Variants in AIG1 observed in about 807,000 individuals in gnomAD.
AIG1 encodes androgen-induced gene 1 protein.
Under a neutral mutation model 31.4 loss-of-function variants are expected in AIG1, and 23 were observed. The ratio of observed to expected loss-of-function variants is 0.73; its 90% CI spans 0.53 to 1.04. AIG1 has a LOEUF of 1.04. AIG1 is among the 50% of genes least tolerant of loss of function. The pLI, the probability that AIG1 is intolerant of heterozygous loss-of-function variation, is 0.00. For synonymous variants in AIG1, 100 were observed against 110.5 expected, an observed-to-expected ratio of 0.90 and a Z score of 0.60; for missense variants, 274 against 295.0, an observed-to-expected ratio of 0.93 and a Z score of 0.52.
intron 3 of AIG1, among the ~76,000 whole-genome samples, chr6:143,166,726 A>G (rs1786990541): frequency 6.6e-6 from 1 of 152,164 alleles, no homozygotes; most frequent in Non-Finnish European, 1.5e-5. Flanking sequence ...CATAGCTACT[A>G]TTATTTTTTT....
chr6:143,249,301 G>A (rs1794839878), intron 3 of AIG1, among the ~76,000 whole-genome samples: 1 of 152,208 alleles, frequency 6.6e-6, no homozygotes, highest in South Asian at 2.1e-4. Context: ...GGAATGATCA[G>A]TTATTAAGTA....
chr6:143,133,159 C>G (rs1337831080), intron 1 of AIG1, among the ~76,000 whole-genome samples: 1 of 152,024 alleles, frequency 6.6e-6, no homozygotes, highest in Non-Finnish European at 1.5e-5. Context: ...TGTTGTCTTC[C>G]TTTAAATAAA....
intron 2 of AIG1, among the ~76,000 whole-genome samples, chr6:143,140,689 T>G (rs1784176062): frequency 6.6e-6 from 1 of 152,218 alleles, no homozygotes; most frequent in African/African-American, 2.4e-5. Context: ...AGAGCATTAA[T>G]GGCCAGGAAC....
chr6:143,081,953 C>CCCTTT (rs527622424), intron 1 of AIG1, among the ~76,000 whole-genome samples: 17 of 152,054 alleles, frequency 1.1e-4, no homozygotes, highest in African/African-American at 2.2e-4. Context: ...CCCTATATTT[C>CCCTTT]CCTTTCCTTT....
At chr6:143,235,493 A>G (rs1456208088) in intron 3 of AIG1, among the ~76,000 whole-genome samples, 1 of 152,202 alleles carries the variant, frequency 6.6e-6, no homozygotes, top group Non-Finnish European at 1.5e-5. Flanking sequence ...AAACCTGTGC[A>G]TGAGAAGGGG....
intron 2 of AIG1, among the ~76,000 whole-genome samples, chr6:143,145,735 A>G (rs1429773827): frequency 6.6e-6 from 1 of 152,236 alleles, no homozygotes; most frequent in East Asian, 1.9e-4. Flanking sequence ...GAGTTTTAAA[A>G]AATGTAATAA....
chr6:143,278,726 C>T (rs1301607470), intron 3 of AIG1, among the ~76,000 whole-genome samples: 2 of 152,104 alleles, frequency 1.3e-5, no homozygotes, highest in Non-Finnish European at 2.9e-5. Flanking sequence ...GCCTCAGCCT[C>T]CCAAAGTGCT....
At chr6:143,192,001 G>A (rs754307877) in intron 3 of AIG1, among the ~76,000 whole-genome samples, 2 of 152,182 alleles carry the variant, frequency 1.3e-5, no homozygotes. Flanking sequence ...GAATTATCAT[G>A]CATTTACAAT....
At chr6:143,184,023 G>A (rs928705094) in intron 3 of AIG1, among the ~76,000 whole-genome samples, 16 of 152,202 alleles carry the variant, frequency 1.1e-4, no homozygotes, top group African/African-American at 3.9e-4. Flanking sequence ...GTGGAAAGAG[G>A]CTGCATTTTC....
intron 4 of AIG1, among the ~76,000 whole-genome samples, chr6:143,296,212 G>T (rs1225706868): frequency 1.3e-5 from 2 of 152,070 alleles, no homozygotes; most frequent in Non-Finnish European, 2.9e-5. Flanking sequence ...CCACCTGCCT[G>T]ATTCATTTAA....
rs1037468029 is a variant in AIG1 at position 143,258,973 on chromosome 6, A to G, written c.400-25137A>G. On this transcript the variant is annotated intron_variant, in intron 3 of 5. Transcript: ENST00000357847. This position sits in a 1 kb window ranked among gnomAD's most constrained non-coding sequence, Gnocchi z 4.7. ...AGAGGTCAACAGAGACCTTGGCAAA[A>G]CCATTTCCAGCAGATGATGGGGGCA... 6.6e-6 allele frequency among the ~76,000 whole-genome samples: 1 copy of G among 152,176 alleles called. No individual in the cohort carries two copies. The highest frequency in any genetic ancestry group is 2.4e-5 in the African/African-American group (1 of 41,434).
chr6:143,293,510 C>G lies in AIG1; in HGVS notation c.515+9285C>G, dbSNP rs377614716. ...ATCTGGGCAGTTGAAAGCCTGACAA[C>G]AGAGAGTATGTCTTGCCCTTGGTGC... On this transcript the variant is annotated intron_variant, in intron 4 of 5. Coordinates refer to ENST00000357847, the MANE Select transcript of AIG1 (RefSeq NM_016108.4). The surrounding 1 kb of genome is among the most constrained non-coding windows in gnomAD (Gnocchi z 4.8). Among the ~76,000 whole-genome samples, 1 of 152,328 alleles carries G rather than the reference C, an allele frequency of 6.6e-6. No homozygotes were observed. The highest frequency in any genetic ancestry group is 2.1e-4 in the South Asian group (1 of 4,826).
upstream of AIG1, among the ~76,000 whole-genome samples, chr6:143,060,232 TGAGA>T (rs746555477): frequency 6.6e-6 from 1 of 152,212 alleles, no homozygotes; most frequent in Non-Finnish European, 1.5e-5. Context: ...AAAGCAGAAT[TGAGA>T]GAGTTTCCTA....
chr6:143,312,894 C>CA (rs1362799514), intron 4 of AIG1, among the ~76,000 whole-genome samples: 2 of 151,892 alleles, frequency 1.3e-5, no homozygotes, highest in African/African-American at 2.4e-5. Context: ...CAAAAATTGG[C>CA]AAAAAATCTG....
chr6:143,088,380 A>G (rs1238071237), intron 1 of AIG1, among the ~76,000 whole-genome samples: 1 of 152,200 alleles, frequency 6.6e-6, no homozygotes, highest in Non-Finnish European at 1.5e-5. Context: ...TATGACATAT[A>G]CTATGCCAGA....
At chr6:143,251,410 A>G (rs1325753927) in intron 3 of AIG1, among the ~76,000 whole-genome samples, 2 of 152,172 alleles carry the variant, frequency 1.3e-5, no homozygotes, top group African/African-American at 4.8e-5. Flanking sequence ...TAAGAAATCA[A>G]TTCACATACT....
intron 3 of AIG1, among the ~76,000 whole-genome samples, chr6:143,238,196 C>G (rs981044464): frequency 2.0e-5 from 3 of 152,190 alleles, no homozygotes; most frequent in Non-Finnish European, 2.9e-5. Flanking sequence ...CCACCTCGGG[C>G]TCCCAAAGTC....
At chr6:143,120,410 A>G (rs1782142257) in intron 1 of AIG1, among the ~76,000 whole-genome samples, 1 of 152,196 alleles carries the variant, frequency 6.6e-6, no homozygotes, top group African/African-American at 2.4e-5. Flanking sequence ...AAAGAAAAAG[A>G]GGTTTAATGG....
intron 4 of AIG1, among the ~76,000 whole-genome samples, chr6:143,289,781 T>A (rs1379348328): frequency 6.6e-6 from 1 of 152,078 alleles, no homozygotes; most frequent in African/African-American, 2.4e-5. Flanking sequence ...AAAATAAGAG[T>A]GTACTCAAAT....
Sources: gnomAD v4.1 joint callset for allele counts (sites outside exome capture counted in the v4.1 genomes callset) on GRCh38, gnomAD v4.1.1 for gene constraint, Gnocchi (gnomAD v3.1) non-coding constraint, MANE v1.5 for transcripts, NCBI Gene and HGNC (gene_info 2026-07-23, HGNC 2026-07-21) for gene names.